Variants in USP53 observed in about 807,000 individuals in gnomAD.
USP53 encodes the protein ubiquitin specific peptidase 53.
Under a neutral mutation model 94.9 loss-of-function variants are expected in USP53, and 71 were observed. That is an observed-to-expected ratio of 0.75 (90% confidence interval 0.62 to 0.91). The LOEUF (loss-of-function observed/expected upper bound fraction) is 0.91, where lower values mean the gene tolerates loss of function less well. Ranked by LOEUF, USP53 falls within the 40% of genes least tolerant of loss-of-function variation. The pLI, the probability that USP53 is intolerant of heterozygous loss-of-function variation, is 0.00. For missense variants in USP53, 1,173 were observed against 1,281.0 expected (o/e 0.92, Z 1.29); for synonymous variants, 375 against 422.7 (o/e 0.89, Z 1.39).
chr4:119,268,033 G>T (rs1751373497), intron 13 of USP53, among the ~76,000 whole-genome samples: 1 of 152,140 alleles, frequency 6.6e-6, no homozygotes, highest in African/African-American at 2.4e-5. Context: ...CGGGCGCGGT[G>T]GCGGGCGCCT....
chr4:119,261,963 A>C, intron 12 of USP53, 99 bp downstream of exon 12: 1 of 992,188 alleles, frequency 1.0e-6, no homozygotes, highest in South Asian at 3.6e-5. Context: ...TGATATAATT[A>C]ATATGTAAAA....
At chr4:119,215,416 A>AT (rs894115382) in intron 2 of USP53, among the ~76,000 whole-genome samples, 9 of 152,102 alleles carry the variant, frequency 5.9e-5, no homozygotes, top group African/African-American at 1.7e-4. Flanking sequence ...CAGGTTATAC[A>AT]TTTTTTAAAA....
chr4:119,260,077 A>AT, intron 10 of USP53, 152 bp downstream of exon 10: 1 of 515,410 alleles, frequency 1.9e-6, no homozygotes, highest in Non-Finnish European at 3.1e-6. Context: ...CATGTGTATC[A>AT]TTTATCTTAG....
intron 16 of USP53, chr4:119,272,245 A>G (rs1751965230): frequency 2.4e-6 from 1 of 423,892 alleles, no homozygotes; most frequent in African/African-American, 2.0e-5. Context: ...TTAGATTTCC[A>G]TTTTGAATAG....
chr4:119,247,883 GTTT>G (rs1277061708), intron 6 of USP53, among the ~76,000 whole-genome samples: 1 of 151,796 alleles, frequency 6.6e-6, no homozygotes, highest in Non-Finnish European at 1.5e-5. Context: ...GATGACATCT[GTTT>G]TTTTATTTCT....
intron 17 of USP53, among the ~76,000 whole-genome samples, chr4:119,288,658 C>T (rs1002451255): frequency 1.3e-5 from 2 of 151,988 alleles, no homozygotes; most frequent in African/African-American, 4.8e-5. Flanking sequence ...GGTTTGCAGC[C>T]GGGCACGGTG....
intron 9 of USP53, among the ~76,000 whole-genome samples, chr4:119,259,555 C>T (rs534789291): frequency 6.6e-5 from 10 of 152,122 alleles, no homozygotes; most frequent in Non-Finnish European, 1.3e-4. Flanking sequence ...CCAGACAGAG[C>T]ATGTTAGCCT....
chr4:119,268,226 T>C, intron 13 of USP53, 42 bp from the exon 14 acceptor site: 1 of 1,475,082 alleles, frequency 6.8e-7, no homozygotes, highest in Middle Eastern at 2.4e-4. Context: ...TCTCTTCTCA[T>C]GGGAAGGAAA....
chr4:119,213,660 A>ATATATATATATATATATATGTGTG, intron 1 of USP53, among the ~76,000 whole-genome samples: 1 of 117,782 alleles, frequency 8.5e-6, no homozygotes, highest in African/African-American at 3.6e-5. Context: ...ATATATATAT[A>ATATATATATATATATATATGTGTG]TGTGTGTGTG....
At chr4:119,272,921 A>C (rs536994972) in intron 16 of USP53, 2 of 152,342 alleles carry the variant, frequency 1.3e-5, no homozygotes, top group East Asian at 3.9e-4. Context: ...TGTTTGTTTG[A>C]TATTAGCTGA....
At chr4:119,256,621 C>T in intron 9 of USP53, 98 bp downstream of exon 9, 2 of 1,237,576 alleles carry the variant, frequency 1.6e-6, no homozygotes, top group Non-Finnish European at 2.3e-6. Context: ...ATGAATTTCC[C>T]CTCTCTGTCT....
intron 17 of USP53, among the ~76,000 whole-genome samples, chr4:119,284,186 G>A (rs1452719759): frequency 1.3e-5 from 2 of 151,596 alleles, no homozygotes; most frequent in Non-Finnish European, 3.0e-5. Context: ...TAGTGGTATA[G>A]TAAAAGCAGT....
chr4:119,258,472 A>G (rs1750048632), intron 9 of USP53, among the ~76,000 whole-genome samples: 1 of 152,242 alleles, frequency 6.6e-6, no homozygotes. Flanking sequence ...CTTACATTAC[A>G]TTCCTTTTTG....
chr4:119,244,570 A>G (rs1052500162), intron 5 of USP53, among the ~76,000 whole-genome samples: 12 of 152,206 alleles, frequency 7.9e-5, no homozygotes, highest in African/African-American at 2.9e-4. Flanking sequence ...GAAACATTAC[A>G]TATTATTTAA....
chr4:119,223,122 A>G (rs1744771316), intron 3 of USP53, among the ~76,000 whole-genome samples: 1 of 152,228 alleles, frequency 6.6e-6, no homozygotes, highest in Non-Finnish European at 1.5e-5. Flanking sequence ...TTACAAATGT[A>G]TCTTTTAGTG....
intron 11 of USP53, among the ~76,000 whole-genome samples, chr4:119,261,505 A>T (rs770053449): frequency 6.6e-6 from 1 of 152,196 alleles, no homozygotes; most frequent in African/African-American, 2.4e-5. Flanking sequence ...AATTCGTTTT[A>T]TTGGACTTAA....
At chr4:119,282,051 T>C (rs1753567722) in intron 17 of USP53, among the ~76,000 whole-genome samples, 1 of 152,136 alleles carries the variant, frequency 6.6e-6, no homozygotes, top group African/African-American at 2.4e-5. Context: ...GTACCTCATA[T>C]AGGTGGAACC....
At chr4:119,244,263 G>A (rs1747925372) in intron 5 of USP53, among the ~76,000 whole-genome samples, 1 of 152,130 alleles carries the variant, frequency 6.6e-6, no homozygotes, top group Non-Finnish European at 1.5e-5. Flanking sequence ...ACAGAAAAAT[G>A]GATCCTATTC....
rs778978770 is a variant in USP53 at position 119,272,014 on chromosome 4, TAAAG to T, written c.2158_2161del (p.Glu720GlnfsTer13). The T allele has an allele frequency of 7.5e-6, 12 of 1,592,668 alleles. No individual in the cohort carries two copies. Among genetic ancestry groups the T allele is most frequent in the African/African-American group, 1.4e-5 (1 of 73,934 alleles). On this transcript the variant is annotated frameshift_variant, in exon 16 of 19. Transcript: ENST00000692078. LOFTEE classifies it high-confidence loss of function. ...GTACAGTAATGGATATCAGTGGTGT[TAAAG>T]AAACAGTATGCTTCAGGTAATGTAA...
Sources: allele counts gnomAD v4.1 joint callset (sites outside exome capture counted in the v4.1 genomes callset), GRCh38; gene constraint gnomAD v4.1.1; transcripts MANE v1.5; gene names NCBI Gene and HGNC (gene_info 2026-07-23, HGNC 2026-07-21).